Variants in PAN3 observed in about 807,000 individuals in gnomAD.
PAN3 encodes the protein PAN2-PAN3 deadenylation complex subunit PAN3.
Under a neutral mutation model 96.2 loss-of-function variants are expected in PAN3, and 19 were observed. That is an observed-to-expected ratio of 0.20 (90% CI 0.14 to 0.29). The LOEUF (loss-of-function observed/expected upper bound fraction) is 0.29. Among genes scored for constraint, PAN3 ranks in the 10% least tolerant of loss-of-function variants. The pLI is 1.00. For synonymous variants in PAN3, 433 were observed against 406.6 expected, an observed-to-expected ratio of 1.06 and a Z score of -0.78; for missense variants, 882 against 1,108.1, an observed-to-expected ratio of 0.80 and a Z score of 2.90.
At chr13:28,227,057 G>T (rs920999286) in intron 6 of PAN3, among the ~76,000 whole-genome samples, 4 of 152,212 alleles carry the variant, frequency 2.6e-5, no homozygotes, top group Non-Finnish European at 5.9e-5. Context: ...CTCTGTGTAT[G>T]CATGTGTAAG....
intron 1 of PAN3, among the ~76,000 whole-genome samples, chr13:28,171,830 G>C (rs1714519732): frequency 6.6e-6 from 1 of 152,122 alleles, no homozygotes; most frequent in East Asian, 1.9e-4. Flanking sequence ...AAGATGGTTG[G>C]GTAGGGCTGA....
chr13:28,271,924 T>C, intron 13 of PAN3, 57 bp from the exon 14 acceptor site: 1 of 1,227,814 alleles, frequency 8.1e-7, no homozygotes. Flanking sequence ...TCCATGAGTA[T>C]GCAATTTTTT....
chr13:28,222,115 C>T (rs1881474004), intron 6 of PAN3, among the ~76,000 whole-genome samples: 1 of 152,044 alleles, frequency 6.6e-6, no homozygotes, highest in African/African-American at 2.4e-5. Flanking sequence ...CTAATTTAGA[C>T]ATGCCATTCA....
chr13:28,170,062 C>CAAT (rs948615623), intron 1 of PAN3, among the ~76,000 whole-genome samples: 22 of 151,726 alleles, frequency 1.4e-4, no homozygotes, highest in Admixed American at 6.6e-4. Context: ...AATAATAATA[C>CAAT]AATAATAATA....
chr13:28,220,551 A>G (rs1371722006), intron 6 of PAN3, among the ~76,000 whole-genome samples, 173 bp downstream of exon 6: 1 of 152,242 alleles, frequency 6.6e-6, no homozygotes. Context: ...AGAATTTTAA[A>G]GCAAAATTTA....
Position 28,262,468 on chromosome 13 carries a change from T to G in PAN3, c.1411+1010T>G, listed in dbSNP as rs1004284738. Among the ~76,000 whole-genome samples, 12 of 152,326 alleles carry G rather than the reference T, an allele frequency of 7.9e-5. No individual in the cohort carries two copies. The East Asian group carries it at 2.3e-3, about 29-fold the overall frequency. The stretch of plus-strand genomic sequence containing the variant: ...GATTGCTAAAGAATTAAAAGAAATA[T>G]GTCTGGCTGTTACACCTTAAGATGG... On this transcript the variant is annotated intron_variant, in intron 9 of 18. Coordinates refer to ENST00000380958, the MANE Select transcript of PAN3 (RefSeq NM_175854.8).
intron 2 of PAN3, among the ~76,000 whole-genome samples, chr13:28,175,441 G>A (rs139789938): frequency 7.9e-4 from 121 of 152,216 alleles, no homozygotes; most frequent in African/African-American, 2.7e-3. Flanking sequence ...GCAGAGATGA[G>A]GTCTGTGTTG....
At chr13:28,242,448 TAC>T (rs1249371990) in intron 6 of PAN3, among the ~76,000 whole-genome samples, 3 of 152,128 alleles carry the variant, frequency 2.0e-5, no homozygotes, top group African/African-American at 7.2e-5. Flanking sequence ...TAGATGGGAA[TAC>T]AGAGAGGATT....
intron 9 of PAN3, among the ~76,000 whole-genome samples, chr13:28,262,283 G>T (rs566520153): frequency 1.3e-5 from 2 of 152,046 alleles, no homozygotes; most frequent in Non-Finnish European, 2.9e-5. Flanking sequence ...TTCTTAAAGC[G>T]TATTAAAGTA....
intron 1 of PAN3, among the ~76,000 whole-genome samples, chr13:28,166,169 C>G (rs1873512612): frequency 6.6e-6 from 1 of 152,160 alleles, no homozygotes; most frequent in African/African-American, 2.4e-5. Flanking sequence ...AGGTATTCAT[C>G]CTAAGGCAAA....
At chr13:28,199,208 A>T (rs1251336130) in intron 5 of PAN3, among the ~76,000 whole-genome samples, 2 of 152,186 alleles carry the variant, frequency 1.3e-5, no homozygotes, top group Non-Finnish European at 2.9e-5. Flanking sequence ...GAGCAGATAC[A>T]AGTGAAATTG....
Position 28,138,843 on chromosome 13 carries a change from G to C in PAN3, c.186G>C (p.Glu62Asp). The C allele has an allele frequency of 7.0e-7, 1 of 1,424,752 alleles. No individual in the cohort carries two copies. The highest frequency in any genetic ancestry group is 9.1e-7 in the Non-Finnish European group (1 of 1,094,248). The allele number at this position is 1,424,752 out of a possible 1,614,324, so 88.3% of individuals were successfully genotyped here. Residue 62 changes from glutamate to aspartate, a missense_variant, in exon 1 of 19, where the codon GAG (glutamate) becomes GAC (aspartate). Physicochemically the swap from Glu to Asp is conservative, Grantham distance 45. Around this residue, in one of 3 missense-constraint regions of PAN3, gnomAD observed 442 missense variants for 422.8 expected, o/e 1.05. Coordinates refer to ENST00000380958, the MANE Select transcript of PAN3 (RefSeq NM_175854.8). ...AGGATAAGACTTGCTTCTACGGGGA[G>C]GAGTGTCAGTTCCTGCATGAGGACC... ...YAKDKTCFYG[E>D]ECQFLHEDPA...
At chr13:28,252,773 A>T (rs2138567719) in intron 6 of PAN3, among the ~76,000 whole-genome samples, 1 of 152,296 alleles carries the variant, frequency 6.6e-6, no homozygotes, top group African/African-American at 2.4e-5. Flanking sequence ...GACAAAAAAA[A>T]ATACAAAAAA....
intron 6 of PAN3, among the ~76,000 whole-genome samples, chr13:28,227,210 G>C (rs1882098321): frequency 6.6e-6 from 1 of 152,166 alleles, no homozygotes; most frequent in African/African-American, 2.4e-5. Context: ...GCGCAGAGAG[G>C]GATGTGGCTG....
intron 17 of PAN3, among the ~76,000 whole-genome samples, chr13:28,284,005 G>A (rs981184033): frequency 6.6e-6 from 1 of 152,146 alleles, no homozygotes; most frequent in African/African-American, 2.4e-5. Context: ...GTACTGTAGG[G>A]ACTAACTTGT....
intron 6 of PAN3, among the ~76,000 whole-genome samples, chr13:28,241,502 T>C (rs1170208458): frequency 6.6e-6 from 1 of 152,170 alleles, no homozygotes; most frequent in Non-Finnish European, 1.5e-5. Context: ...GAATAAAGCT[T>C]GTCTCTGAAG....
intron 6 of PAN3, among the ~76,000 whole-genome samples, chr13:28,230,181 G>A (rs1303957677): frequency 1.3e-5 from 2 of 151,486 alleles, no homozygotes; most frequent in Admixed American, 1.3e-4. Context: ...TTCATTTCTG[G>A]TTAATGTCTG....
chr13:28,202,628 A>G (rs1878870274), intron 5 of PAN3, among the ~76,000 whole-genome samples: 1 of 152,002 alleles, frequency 6.6e-6, no homozygotes, highest in African/African-American at 2.4e-5. Context: ...ACTTGTATAC[A>G]CAGCAGGCAG....
chr13:28,175,536 C>T (rs940514655), intron 2 of PAN3, among the ~76,000 whole-genome samples: 2 of 152,182 alleles, frequency 1.3e-5, no homozygotes, highest in Non-Finnish European at 2.9e-5. Context: ...GGATTACAGG[C>T]ATGAGCCACC....
Sources: gnomAD v4.1 joint callset for allele counts (sites outside exome capture counted in the v4.1 genomes callset) on GRCh38, gnomAD v4.1.1 for gene constraint, gnomAD v4.1.1 regional missense constraint, MANE v1.5 for transcripts, NCBI Gene and HGNC (gene_info 2026-07-23, HGNC 2026-07-21) for gene names.